Variants in FAM124A observed in about 807,000 individuals in gnomAD.
The protein encoded by FAM124A is family with sequence similarity 124 member A, also known as protein FAM124A.
Under a neutral mutation model 24.5 loss-of-function variants are expected in FAM124A, and 23 were observed. The observed-to-expected ratio is 0.94, with a 90% CI of 0.68 to 1.33. FAM124A has a LOEUF of 1.33. Among genes scored for constraint, FAM124A ranks in the 40% most tolerant of loss-of-function variants. The probability of loss-of-function intolerance (pLI) is 0.00; values close to 1 mark genes in which losing one functional copy is unlikely to be tolerated. For missense variants in FAM124A, 623 were observed against 722.8 expected, an observed-to-expected ratio of 0.86 and a Z score of 1.58; for synonymous variants, 287 against 314.7, an observed-to-expected ratio of 0.91 and a Z score of 0.93.
intron 1 of FAM124A, among the ~76,000 whole-genome samples, chr13:51,230,966 C>T (rs1420874972): frequency 6.6e-6 from 1 of 152,116 alleles, no homozygotes; most frequent in African/African-American, 2.4e-5. Flanking sequence ...TGGTGTTGTG[C>T]GAATATTTGA....
chr13:51,237,810 C>T (rs931066244), intron 2 of FAM124A, among the ~76,000 whole-genome samples: 3 of 152,082 alleles, frequency 2.0e-5, no homozygotes, highest in Admixed American at 2.0e-4. Context: ...AGCTACTGTC[C>T]CTGTAGGTGT....
At chr13:51,235,968 C>T (rs1954430876) in intron 2 of FAM124A, among the ~76,000 whole-genome samples, 1 of 152,206 alleles carries the variant, frequency 6.6e-6, no homozygotes, top group Admixed American at 6.5e-5. Flanking sequence ...TTTCAACCTC[C>T]TGGGGACTCA....
At chr13:51,224,202 C>A (rs1386395982) in intron 1 of FAM124A, among the ~76,000 whole-genome samples, 1 of 152,240 alleles carries the variant, frequency 6.6e-6, no homozygotes, top group Non-Finnish European at 1.5e-5. Context: ...GGTGCGGTAG[C>A]TCGCGCCTAT....
At chr13:51,268,656 T>C (rs927244948) in intron 3 of FAM124A, among the ~76,000 whole-genome samples, 9 of 152,238 alleles carry the variant, frequency 5.9e-5, no homozygotes, top group Non-Finnish European at 1.3e-4. Context: ...CACCACGTTG[T>C]AGGGCCCAGA....
At chr13:51,271,370 G>A (rs2137704260) in intron 3 of FAM124A, among the ~76,000 whole-genome samples, 1 of 152,266 alleles carries the variant, frequency 6.6e-6, no homozygotes, top group East Asian at 1.9e-4. Context: ...CATTTTTTAA[G>A]TTTTGAAGAG....
intron 3 of FAM124A, among the ~76,000 whole-genome samples, chr13:51,271,976 C>T (rs1469570158): frequency 6.6e-6 from 1 of 152,190 alleles, no homozygotes; most frequent in Non-Finnish European, 1.5e-5. Context: ...CTCAGCCTTG[C>T]AGTAGCACTG....
At chr13:51,231,406 C>T in intron 2 of FAM124A, 27 bp downstream of exon 2, 1 of 1,613,406 alleles carries the variant, frequency 6.2e-7, no homozygotes, top group Non-Finnish European at 8.5e-7. Flanking sequence ...CATCCTTCAG[C>T]ATTGTCTAAC....
chr13:51,262,725 T>C (rs1279475787), intron 3 of FAM124A, among the ~76,000 whole-genome samples: 1 of 152,186 alleles, frequency 6.6e-6, no homozygotes, highest in Non-Finnish European at 1.5e-5. Flanking sequence ...TGGGACTTTA[T>C]GTGAAGGGAG....
At chr13:51,268,470 C>A (rs965056929) in intron 3 of FAM124A, among the ~76,000 whole-genome samples, 27 of 152,212 alleles carry the variant, frequency 1.8e-4, no homozygotes, top group African/African-American at 6.0e-4. Flanking sequence ...CAAAACCCAA[C>A]CCACACTGTT....
At chr13:51,244,925 G>A (rs376699857) in intron 2 of FAM124A, among the ~76,000 whole-genome samples, 1 of 152,230 alleles carries the variant, frequency 6.6e-6, no homozygotes, top group Non-Finnish European at 1.5e-5. Context: ...CCAATTTGGG[G>A]CAGAAAAACC....
chr13:51,244,949 C>CG (rs1393680435), intron 2 of FAM124A, among the ~76,000 whole-genome samples: 2 of 152,226 alleles, frequency 1.3e-5, no homozygotes, highest in African/African-American at 4.8e-5. Context: ...GCGATGATTC[C>CG]AAGTGAAGTG....
In FAM124A at chr13:51,279,269, TC is replaced by T. The variant is rs528184540; in HGVS notation, c.835-1177del. ...AAATGATTAAGAAAATTGGTTTGTT[TC>T]CCCAGCAGCCACCCAGCTGTGACAC... On this transcript the variant is annotated intron_variant, in intron 3 of 3. Transcript: ENST00000322475. Among the ~76,000 whole-genome samples, 302 of 152,274 alleles carry T rather than the reference TC, an allele frequency of 2.0e-3. 1 individual carries two copies. The highest frequency in any genetic ancestry group is 6.9e-3 in the African/African-American group (286 of 41,552).
chr13:51,275,325 C>T (rs559952848), intron 3 of FAM124A, among the ~76,000 whole-genome samples: 1 of 152,262 alleles, frequency 6.6e-6, no homozygotes, highest in Admixed American at 6.5e-5. Flanking sequence ...CTGCAATAAG[C>T]TATAATCGTG....
At chr13:51,244,647 A>C (rs1391173770) in intron 2 of FAM124A, among the ~76,000 whole-genome samples, 1 of 152,082 alleles carries the variant, frequency 6.6e-6, no homozygotes, top group Non-Finnish European at 1.5e-5. Flanking sequence ...CAGTTCTGGG[A>C]GGAGGGCTAG....
rs1447791399 is a variant in FAM124A at position 51,238,327 on chromosome 13, G to A, written c.100+6948G>A. On this transcript the variant is annotated intron_variant, in intron 2 of 3. Coordinates refer to ENST00000322475, the MANE Select transcript of FAM124A (RefSeq NM_001242312.2). ...AAATGCAGAATCCCAGGCCTCCTGA[G>A]GCCAGTAAGTTGTATGTACTGAAAG... is the stretch of plus-strand genomic sequence containing the variant. Among the ~76,000 whole-genome samples the A allele has an allele frequency of 3.9e-5, 6 of 152,212 alleles. No homozygotes were observed. The East Asian group carries it at 9.6e-4, about 24-fold the overall frequency.
At chr13:51,266,688 C>CATAG (rs1046398861) in intron 3 of FAM124A, among the ~76,000 whole-genome samples, 22 of 152,222 alleles carry the variant, frequency 1.4e-4, no homozygotes, top group African/African-American at 5.3e-4. Context: ...CTGCCTCCTG[C>CATAG]ATAGCCACGT....
intron 3 of FAM124A, among the ~76,000 whole-genome samples, chr13:51,275,072 T>A (rs1025127245): frequency 6.6e-6 from 1 of 151,968 alleles, no homozygotes; most frequent in Non-Finnish European, 1.5e-5. Flanking sequence ...TAGCAAAAAG[T>A]TTTTAAAATA....
intron 2 of FAM124A, 119 bp downstream of exon 2, chr13:51,231,498 C>A: frequency 2.8e-6 from 3 of 1,075,002 alleles, no homozygotes; most frequent in African/African-American, 1.6e-5. Context: ...GCATCTTTGC[C>A]AAAGAATGTG....
chr13:51,265,895 A>AT (rs1954780394), intron 3 of FAM124A, among the ~76,000 whole-genome samples: 1 of 152,232 alleles, frequency 6.6e-6, no homozygotes, highest in African/African-American at 2.4e-5. Flanking sequence ...TCACTCACAT[A>AT]TGTGGGATTT....
Sources: gnomAD v4.1 joint callset for allele counts (sites outside exome capture counted in the v4.1 genomes callset) on GRCh38, gnomAD v4.1.1 for gene constraint, MANE v1.5 for transcripts, NCBI Gene and HGNC (gene_info 2026-07-23, HGNC 2026-07-21) for gene names.